Variants in LRPPRC observed in about 807,000 individuals in gnomAD.
LRPPRC encodes the protein leucine-rich PPR motif-containing protein, mitochondrial.
Under a neutral mutation model 180.3 loss-of-function variants are expected in LRPPRC, and 120 were observed. The observed-to-expected ratio is 0.67, with a 90% CI of 0.57 to 0.77. LRPPRC has a LOEUF of 0.77. LRPPRC is among the 30% of genes least tolerant of loss of function. The pLI is 0.00. For synonymous variants in LRPPRC, 723 were observed against 600.0 expected, an observed-to-expected ratio of 1.21 and a Z score of -3.00; for missense variants, 2,012 against 1,657.2, an observed-to-expected ratio of 1.21 and a Z score of -3.72.
intron 25 of LRPPRC, among the ~76,000 whole-genome samples, chr2:43,929,441 T>C (rs944163158): frequency 7.2e-5 from 11 of 152,188 alleles, no homozygotes; most frequent in Non-Finnish European, 1.2e-4. Context: ...AATAATAGAT[T>C]TGTATACGTT....
At chr2:43,920,760 T>C (rs1292930413) in intron 27 of LRPPRC, among the ~76,000 whole-genome samples, 1 of 152,032 alleles carries the variant, frequency 6.6e-6, no homozygotes, top group African/African-American at 2.4e-5. Flanking sequence ...CAAAAGGTCC[T>C]TGTGGACTGT....
At chr2:43,947,929 T>C (rs1230686910) in intron 18 of LRPPRC, among the ~76,000 whole-genome samples, 154 bp from the exon 19 acceptor site, 1 of 152,096 alleles carries the variant, frequency 6.6e-6, no homozygotes, top group Non-Finnish European at 1.5e-5. Context: ...TTAATCAATG[T>C]AATTAACGTT....
chr2:43,895,000 G>C (rs1670630002), intron 35 of LRPPRC, among the ~76,000 whole-genome samples: 1 of 152,140 alleles, frequency 6.6e-6, no homozygotes, highest in African/African-American at 2.4e-5. Context: ...AAATTGTAAA[G>C]AATTCAGTTA....
Position 43,963,708 on chromosome 2 carries a change from T to A in LRPPRC, c.1370-2A>T. On this transcript the variant is annotated splice_acceptor_variant, in intron 11 of 37. Coordinates refer to ENST00000260665, the MANE Select transcript of LRPPRC (RefSeq NM_133259.4). LOFTEE classifies it high-confidence loss of function. ...TTCCTTTGAGGATTTCAATTATACC[T>A]ACCAAATAAAATGTAGAAGCACAGA... 1.4e-6 allele frequency: 2 copies of A among 1,432,098 alleles called. No homozygotes were observed. Among genetic ancestry groups the A allele is most frequent in the Non-Finnish European group, 2.0e-6 (2 of 1,014,740 alleles). The allele number at this position is 1,432,098 out of a possible 1,614,324, so 88.7% of individuals were successfully genotyped here.
intron 11 of LRPPRC, among the ~76,000 whole-genome samples, chr2:43,964,106 T>C (rs1342571610): frequency 1.3e-5 from 2 of 152,222 alleles, no homozygotes; most frequent in Non-Finnish European, 1.5e-5. Flanking sequence ...TTTCAAAACA[T>C]GTTTTCAATT....
chr2:43,921,577 A>C (rs1419307734), intron 27 of LRPPRC, among the ~76,000 whole-genome samples: 1 of 152,218 alleles, frequency 6.6e-6, no homozygotes, highest in Non-Finnish European at 1.5e-5. Context: ...AAATACATGG[A>C]TATAAAGGTA....
chr2:43,956,344 T>C (rs1255887104), intron 14 of LRPPRC, among the ~76,000 whole-genome samples: 1 of 152,166 alleles, frequency 6.6e-6, no homozygotes, highest in South Asian at 2.1e-4. Context: ...GGTGGTACAG[T>C]ATTGTTAATT....
chr2:43,982,507 A>G (rs1033737709), intron 1 of LRPPRC, 73 bp from the exon 2 acceptor site: 2 of 1,125,940 alleles, frequency 1.8e-6, no homozygotes, highest in Admixed American at 1.9e-5. Context: ...AAACTTAAAC[A>G]AATTTTAAAA....
chr2:43,931,345 T>C (rs560594216), intron 25 of LRPPRC, among the ~76,000 whole-genome samples: 5 of 152,310 alleles, frequency 3.3e-5, no homozygotes, highest in Admixed American at 1.3e-4. Flanking sequence ...GGTTGACCTC[T>C]ACACAGTAAA....
intron 14 of LRPPRC, among the ~76,000 whole-genome samples, chr2:43,955,644 A>G (rs914843955): frequency 6.6e-6 from 1 of 151,994 alleles, no homozygotes; most frequent in Non-Finnish European, 1.5e-5. Flanking sequence ...GGAGGCTACG[A>G]TGGGAGGATC....
intron 1 of LRPPRC, among the ~76,000 whole-genome samples, chr2:43,993,323 C>G (rs116303466): frequency 6.6e-6 from 1 of 152,204 alleles, no homozygotes; most frequent in Non-Finnish European, 1.5e-5. Flanking sequence ...GGTTTTGCAA[C>G]TGTCCCTCGA....
intron 1 of LRPPRC, 99 bp downstream of exon 1, chr2:43,995,700 G>T (rs185682844): frequency 1.1e-5 from 13 of 1,145,424 alleles, no homozygotes; most frequent in Non-Finnish European, 1.5e-5. Context: ...GCGGGGAGAA[G>T]GGTGGCGAGC....
At chr2:43,968,305 T>A (rs906550233) in intron 11 of LRPPRC, among the ~76,000 whole-genome samples, 1 of 152,240 alleles carries the variant, frequency 6.6e-6, no homozygotes, top group Non-Finnish European at 1.5e-5. Context: ...CTACCATCCA[T>A]GGACTATGCA....
chr2:43,895,115 G>A (rs961291449), intron 35 of LRPPRC, among the ~76,000 whole-genome samples: 2 of 152,102 alleles, frequency 1.3e-5, no homozygotes, highest in African/African-American at 4.8e-5. Context: ...CTCGGCTATG[G>A]CTTTATTTCC....
chr2:43,892,589 T>C (rs1477418117), intron 36 of LRPPRC: 1 of 152,164 alleles, frequency 6.6e-6, no homozygotes, highest in African/African-American at 2.4e-5. Flanking sequence ...GAAGGAGATA[T>C]ACAGGGAGAT....
intron 25 of LRPPRC, among the ~76,000 whole-genome samples, chr2:43,931,386 T>A (rs1007331316): frequency 6.6e-6 from 1 of 152,210 alleles, no homozygotes; most frequent in Admixed American, 6.5e-5. Context: ...GGAATCAAAC[T>A]AGCATTTATT....
At chr2:43,918,210 T>C in intron 28 of LRPPRC, 46 bp downstream of exon 28, 1 of 1,604,558 alleles carries the variant, frequency 6.2e-7, no homozygotes, top group South Asian at 1.1e-5. Context: ...TATAACCTAA[T>C]TATACTGACA....
intron 7 of LRPPRC, 122 bp from the exon 8 acceptor site, chr2:43,974,880 C>A: frequency 9.2e-7 from 1 of 1,089,598 alleles, no homozygotes; most frequent in Non-Finnish European, 1.4e-6. Context: ...TTTACGACTT[C>A]TTTTAAAAAA....
In LRPPRC at chr2:43,947,727, T is replaced by C; in HGVS notation, c.1965+4A>G. Reference sequence around the variant, plus strand: ...ATGTAGAATCTAGTCAAAATCCTACTTACTTTTTGAAAGTCTAAATTCTTA... The same window carrying C: ...ATGTAGAATCTAGTCAAAATCCTACCTACTTTTTGAAAGTCTAAATTCTTA... On this transcript the variant is annotated splice_donor_region_variant and intron_variant, in intron 19 of 37. Coordinates refer to ENST00000260665, the MANE Select transcript of LRPPRC (RefSeq NM_133259.4). The C allele has an allele frequency of 6.5e-7, 1 of 1,544,200 alleles. No homozygotes were observed. The highest frequency in any genetic ancestry group is 9.0e-7 in the Non-Finnish European group (1 of 1,116,740).
Sources: allele counts gnomAD v4.1 joint callset (sites outside exome capture counted in the v4.1 genomes callset), GRCh38; gene constraint gnomAD v4.1.1; transcripts MANE v1.5; gene names NCBI Gene and HGNC (gene_info 2026-07-23, HGNC 2026-07-21).